The following TFG variants were observed in gnomAD, a reference collection of about 807,000 sequenced individuals.
TFG encodes trafficking from ER to golgi regulator, also known as protein TFG.
A neutral mutation model predicts 51.4 loss-of-function variants in TFG; 22 were observed. The ratio of observed to expected loss-of-function variants is 0.43; its 90% CI spans 0.31 to 0.61. The LOEUF is 0.61. Ranked by LOEUF, TFG falls within the 20% of genes least tolerant of loss-of-function variation. The pLI is 0.12. For synonymous variants in TFG, 187 were observed against 165.6 expected (o/e 1.13, Z -0.99); for missense variants, 419 against 487.7 (o/e 0.86, Z 1.33).
chr3:100,712,083 T>G (rs1045394192), intron 1 of TFG, among the ~76,000 whole-genome samples: 2 of 152,090 alleles, frequency 1.3e-5, no homozygotes, highest in African/African-American at 2.4e-5. Context: ...GCATTGACCT[T>G]AGAGTGTTAT....
At chr3:100,714,222 G>C (rs1259100571) in intron 2 of TFG, among the ~76,000 whole-genome samples, 21 of 152,004 alleles carry the variant, frequency 1.4e-4, no homozygotes, top group Non-Finnish European at 2.1e-4. Context: ...AAGTGGGGCC[G>C]GGCGCAGCAG....
In TFG at chr3:100,745,929, A is replaced by G. The variant is rs550533366; in HGVS notation, c.820+998A>G. On this transcript the variant is annotated intron_variant, in intron 7 of 7. Coordinates refer to ENST00000240851, the MANE Select transcript of TFG (RefSeq NM_006070.6). The stretch of plus-strand genomic sequence containing the variant: ...GCCCACAAAGCCTAAACTATTTACT[A>G]TCTGGCTCTTTACAGAAAAGTTTGC... 3.3e-5 allele frequency among the ~76,000 whole-genome samples: 5 copies of G among 152,330 alleles called. No homozygotes were observed. The South Asian group carries it at 8.3e-4, about 25-fold the overall frequency.
chr3:100,711,039 CAA>C (rs991120892), intron 1 of TFG: 3 of 151,836 alleles, frequency 2.0e-5, no homozygotes, highest in Non-Finnish European at 2.9e-5. Context: ...TGTTTACAGT[CAA>C]TAGGAAACAC....
chr3:100,731,921 TAAG>T (rs1475449268), intron 4 of TFG, among the ~76,000 whole-genome samples: 2 of 152,198 alleles, frequency 1.3e-5, no homozygotes, highest in Admixed American at 1.3e-4. Flanking sequence ...AGTATTTTAA[TAAG>T]TAATACATAT....
In TFG at chr3:100,748,546, A is replaced by G; in HGVS notation, c.*15A>G. 6.3e-7 allele frequency: 1 copy of G among 1,591,428 alleles called. No homozygotes were observed. Among genetic ancestry groups the G allele is most frequent in the Non-Finnish European group, 8.6e-7 (1 of 1,165,724 alleles). ...GTTATCGATAAGGAGGCTCCTCTAC[A>G]CCAATTAATGTAGCTGCTAGCTATT... On this transcript the variant is annotated 3_prime_UTR_variant, in exon 8 of 8. Transcript: ENST00000240851.
chr3:100,726,400 C>T (rs553999168), intron 3 of TFG, among the ~76,000 whole-genome samples: 12 of 141,016 alleles, frequency 8.5e-5, no homozygotes, highest in Admixed American at 7.6e-4. Flanking sequence ...ATGTCAGTGT[C>T]CTCTGGCAAC....
intron 2 of TFG, among the ~76,000 whole-genome samples, chr3:100,719,106 A>G (rs1465211548): frequency 6.6e-6 from 1 of 152,242 alleles, no homozygotes; most frequent in Non-Finnish European, 1.5e-5. Flanking sequence ...AGCTAAAAAC[A>G]GTTATAAAAT....
chr3:100,748,023 C>CT lies in TFG; in HGVS notation c.821-125dup, dbSNP rs1185228425. 16 of 836,300 alleles carry CT rather than the reference C, an allele frequency of 1.9e-5. No individual in the cohort carries two copies. The Admixed American group carries it at 4.4e-4, about 23-fold the overall frequency. The allele number at this position is 836,300 out of a possible 1,614,324, so 51.8% of individuals were successfully genotyped here. A position where few individuals can be genotyped will look rare whatever the true frequency, so the allele number is the denominator to read the frequency against. On this transcript the variant is annotated intron_variant, in intron 7 of 7. Coordinates refer to ENST00000240851, the MANE Select transcript of TFG (RefSeq NM_006070.6). Reference sequence around the variant, plus strand: ...ATATTATGTGATGGAATCTACCACTCTGCTTGTTACATACATATTTATTAA... The same window carrying CT: ...ATATTATGTGATGGAATCTACCACTCTTGCTTGTTACATACATATTTATTAA...
chr3:100,722,972 T>C (rs2095064927), intron 3 of TFG, among the ~76,000 whole-genome samples: 1 of 152,188 alleles, frequency 6.6e-6, no homozygotes, highest in Admixed American at 6.5e-5. Flanking sequence ...CAAAAACTAT[T>C]TTAGAAAAGC....
intron 5 of TFG, among the ~76,000 whole-genome samples, chr3:100,734,130 T>C (rs915226434): frequency 1.3e-5 from 2 of 152,046 alleles, no homozygotes; most frequent in African/African-American, 4.8e-5. Context: ...TCTTTTGTGA[T>C]AGTTTTTGCA....
rs2095157992 is a variant in TFG, at chr3:100,748,654, CATT to C, written c.*124_*126del. Reference sequence around the variant, plus strand: ...AAAAGCAGAGCATTTTTTATGATATCATTGTTGGTGTTAATTGAAAGTATAATT... The same window carrying C: ...AAAAGCAGAGCATTTTTTATGATATCGTTGGTGTTAATTGAAAGTATAATT... On this transcript the variant is annotated 3_prime_UTR_variant, in exon 8 of 8. Coordinates refer to ENST00000240851, the MANE Select transcript of TFG (RefSeq NM_006070.6). 4.5e-6 allele frequency: 5 copies of C among 1,110,626 alleles called. No homozygotes were observed. The Admixed American group carries it at 9.0e-5, about 20-fold the overall frequency. 68.8% of individuals were successfully genotyped at this position (1,110,626 alleles called of 1,614,324 possible).
At chr3:100,710,684 C>T (rs912999898) in intron 1 of TFG, among the ~76,000 whole-genome samples, 2 of 152,088 alleles carry the variant, frequency 1.3e-5, no homozygotes, top group African/African-American at 4.8e-5. Flanking sequence ...CAGATTATTC[C>T]CAGTGCTGAG....
At chr3:100,723,268 G>A (rs2095065680) in intron 3 of TFG, among the ~76,000 whole-genome samples, 1 of 152,022 alleles carries the variant, frequency 6.6e-6, no homozygotes, top group Admixed American at 6.6e-5. Flanking sequence ...GCAGAAGTAT[G>A]CATGGTGTAC....
intron 1 of TFG, among the ~76,000 whole-genome samples, chr3:100,711,613 TAAAC>T (rs1354849299): frequency 1.1e-4 from 17 of 152,210 alleles, no homozygotes; most frequent in Non-Finnish European, 1.8e-4. Context: ...TTAAAAAATT[TAAAC>T]AAAGTCTTTA....
intron 6 of TFG, among the ~76,000 whole-genome samples, chr3:100,738,258 C>G (rs2095112015): frequency 6.6e-6 from 1 of 152,200 alleles, no homozygotes; most frequent in Non-Finnish European, 1.5e-5. Context: ...ACTGCCAAAA[C>G]TAGAACAAAC....
At chr3:100,724,273 A>G (rs965377547) in intron 3 of TFG, among the ~76,000 whole-genome samples, 1 of 152,192 alleles carries the variant, frequency 6.6e-6, no homozygotes, top group Non-Finnish European at 1.5e-5. Flanking sequence ...AGGATCAACA[A>G]TTTTGAAAAG....
At chr3:100,721,236 G>T (rs937542136) in intron 3 of TFG, among the ~76,000 whole-genome samples, 2 of 152,024 alleles carry the variant, frequency 1.3e-5, no homozygotes, top group African/African-American at 4.8e-5. Context: ...TCTGAATTCT[G>T]TAACTCAGCT....
At chr3:100,713,100 G>T (rs910358430) in intron 1 of TFG, among the ~76,000 whole-genome samples, 2 of 152,224 alleles carry the variant, frequency 1.3e-5, no homozygotes, top group African/African-American at 4.8e-5. Context: ...GATTAAAAGT[G>T]GGCAAAGGTA....
chr3:100,727,365 T>G (rs2095078901), intron 3 of TFG, among the ~76,000 whole-genome samples: 1 of 152,220 alleles, frequency 6.6e-6, no homozygotes, highest in Non-Finnish European at 1.5e-5. Context: ...AGTATGTGAA[T>G]TACTGTGAGT....
Sources: gnomAD v4.1 joint callset for allele counts (sites outside exome capture counted in the v4.1 genomes callset) on GRCh38, gnomAD v4.1.1 for gene constraint, MANE v1.5 for transcripts, NCBI Gene and HGNC (gene_info 2026-07-23, HGNC 2026-07-21) for gene names.